NR2F1-AS1: variants seen among roughly 807,000 people sequenced by gnomAD.
NR2F1-AS1 encodes the protein NR2F1 regulatory antisense RNA 1.
At chr5:93,483,784 A>G (rs1302585938) in intron 4 of NR2F1-AS1, among the ~76,000 whole-genome samples, 1 of 152,236 alleles carries the variant, frequency 6.6e-6, no homozygotes, top group African/African-American at 2.4e-5. Context: ...AAAACACAGC[A>G]TAAGAACTTC....
intron 1 of NR2F1-AS1, among the ~76,000 whole-genome samples, chr5:93,576,990 T>G (rs1752911396): frequency 6.6e-6 from 1 of 152,272 alleles, no homozygotes; most frequent in Non-Finnish European, 1.5e-5. Flanking sequence ...TCCTTTTTTC[T>G]TTTTGCATAA....
intron 4 of NR2F1-AS1, among the ~76,000 whole-genome samples, chr5:93,500,030 A>C (rs1223694430): frequency 6.6e-6 from 1 of 152,220 alleles, no homozygotes; most frequent in African/African-American, 2.4e-5. Context: ...TAACGAAAGA[A>C]GCCATCTCCA....
At chr5:93,441,197 T>C (rs536552478) in intron 4 of NR2F1-AS1, among the ~76,000 whole-genome samples, 1 of 152,336 alleles carries the variant, frequency 6.6e-6, no homozygotes, top group African/African-American at 2.4e-5. Context: ...ATGGTGAAGA[T>C]AGGATGACAG....
chr5:93,581,723 T>C (rs866435555), upstream of NR2F1-AS1, among the ~76,000 whole-genome samples: 23 of 56,050 alleles, frequency 4.1e-4, 2 homozygotes, highest in African/African-American at 2.0e-3. Flanking sequence ...TCTCTCTCTC[T>C]CTCTCTCTCT....
intron 1 of NR2F1-AS1, among the ~76,000 whole-genome samples, chr5:93,566,667 G>A (rs1228023406): frequency 6.6e-6 from 1 of 151,820 alleles, no homozygotes; most frequent in Non-Finnish European, 1.5e-5. Flanking sequence ...AACCTTTCTG[G>A]AAAACAATTG....
intron 4 of NR2F1-AS1, among the ~76,000 whole-genome samples, chr5:93,465,206 A>G (rs1240040902): frequency 6.6e-6 from 1 of 152,284 alleles, no homozygotes; most frequent in East Asian, 1.9e-4. Context: ...CAGAATCTAC[A>G]AAGAACTTAA....
intron 4 of NR2F1-AS1, among the ~76,000 whole-genome samples, chr5:93,423,483 A>C (rs905188750): frequency 2.0e-5 from 3 of 152,188 alleles, no homozygotes; most frequent in African/African-American, 7.2e-5. Flanking sequence ...GACATCAGTC[A>C]ACAGCCTTAC....
chr5:93,419,578 G>T (rs1580207695), intron 4 of NR2F1-AS1, among the ~76,000 whole-genome samples: 1 of 151,830 alleles, frequency 6.6e-6, no homozygotes, highest in African/African-American at 2.4e-5. Flanking sequence ...TTTAAAAGAA[G>T]TTTCTATTAT....
intron 4 of NR2F1-AS1, among the ~76,000 whole-genome samples, chr5:93,426,819 A>G (rs1749204947): frequency 6.6e-6 from 1 of 152,166 alleles, no homozygotes; most frequent in Non-Finnish European, 1.5e-5. Flanking sequence ...AGTTTTACTG[A>G]GAGCTGGGCT....
chr5:93,444,540 A>G (rs918873080), intron 4 of NR2F1-AS1, among the ~76,000 whole-genome samples: 2 of 152,198 alleles, frequency 1.3e-5, no homozygotes, highest in Non-Finnish European at 2.9e-5. Context: ...GAGCACCCAG[A>G]TTCATAAAGT....
intron 4 of NR2F1-AS1, among the ~76,000 whole-genome samples, chr5:93,447,607 G>C (rs1749742154): frequency 1.3e-5 from 2 of 152,216 alleles, no homozygotes; most frequent in Middle Eastern, 3.4e-3. Context: ...ACTGTTGGTG[G>C]GACTGTAAAC....
At chr5:93,565,392 T>C (rs1446837060) in intron 1 of NR2F1-AS1, among the ~76,000 whole-genome samples, 4 of 152,194 alleles carry the variant, frequency 2.6e-5, no homozygotes, top group Non-Finnish European at 4.4e-5. Flanking sequence ...AGCTCCAACA[T>C]TTAAAAAAGT....
intron 4 of NR2F1-AS1, among the ~76,000 whole-genome samples, chr5:93,479,890 T>C (rs1315223662): frequency 6.6e-6 from 1 of 151,784 alleles, no homozygotes; most frequent in Non-Finnish European, 1.5e-5. Flanking sequence ...AGATGAAAAA[T>C]ATAAGAGATT....
In NR2F1-AS1 at chr5:93,521,108, C is replaced by T. The variant is rs1043514647; in HGVS notation, n.638+32653G>A. Among the ~76,000 whole-genome samples the T allele has an allele frequency of 2.0e-5, 3 of 152,006 alleles. No homozygotes were observed. The East Asian group carries it at 5.8e-4, about 29-fold the overall frequency. ...ATATTCGACAAAGCTGACAAAAACACGCAATGGGGAAAAGACTCGCTATTC... is the reference window on the plus strand; with the variant it reads ...ATATTCGACAAAGCTGACAAAAACATGCAATGGGGAAAAGACTCGCTATTC... On this transcript the variant is annotated intron_variant and non_coding_transcript_variant, in intron 4 of 5. Coordinates refer to ENST00000660523, the Ensembl canonical transcript of NR2F1-AS1.
intron 4 of NR2F1-AS1, among the ~76,000 whole-genome samples, chr5:93,497,054 AC>A (rs1750976007): frequency 1.3e-5 from 2 of 151,794 alleles, no homozygotes; most frequent in African/African-American, 2.4e-5. Context: ...CTAAAATATA[AC>A]CCTTTCTCAA....
At chr5:93,468,463 T>G (rs1303562020) in intron 4 of NR2F1-AS1, among the ~76,000 whole-genome samples, 1 of 152,250 alleles carries the variant, frequency 6.6e-6, no homozygotes, top group Non-Finnish European at 1.5e-5. Context: ...GAGAAGTGTC[T>G]GTTCATATCC....
At chr5:93,492,897 G>A (rs1236801897) in intron 4 of NR2F1-AS1, among the ~76,000 whole-genome samples, 1 of 150,126 alleles carries the variant, frequency 6.7e-6, no homozygotes, top group African/African-American at 2.4e-5. Context: ...TCTTTAATAC[G>A]ATAAAGGGCA....
At chr5:93,485,470 G>C (rs1250582834) in intron 4 of NR2F1-AS1, among the ~76,000 whole-genome samples, 1 of 151,298 alleles carries the variant, frequency 6.6e-6, no homozygotes, top group African/African-American at 2.5e-5. Flanking sequence ...AGTGTTTAGA[G>C]GGAAATTTAT....
At chr5:93,418,222 G>T (rs1749008328) in intron 4 of NR2F1-AS1, among the ~76,000 whole-genome samples, 1 of 152,104 alleles carries the variant, frequency 6.6e-6, no homozygotes, top group South Asian at 2.1e-4. Flanking sequence ...GGCCTAAAGG[G>T]GGCCAGCTTG....
Sources: allele counts gnomAD v4.1 joint callset (sites outside exome capture counted in the v4.1 genomes callset), GRCh38; gene constraint gnomAD v4.1.1; transcripts MANE v1.5; gene names NCBI Gene and HGNC (gene_info 2026-07-23, HGNC 2026-07-21).